Variants in PHF21B observed in about 807,000 individuals in gnomAD.
PHF21B encodes PHD finger protein 21B.
In PHF21B, 22 loss-of-function variants were observed where a neutral mutation model predicts 62.2. The ratio of observed to expected loss-of-function variants is 0.35; its 90% CI spans 0.25 to 0.51. The LOEUF is 0.51. Among genes scored for constraint, PHF21B ranks in the 20% least tolerant of loss-of-function variants. The pLI, the probability that PHF21B is intolerant of heterozygous loss-of-function variation, is 0.97. For missense variants in PHF21B, 701 were observed against 707.9 expected (o/e 0.99, Z 0.11); for synonymous variants, 341 against 314.7 (o/e 1.08, Z -0.88).
intron 5 of PHF21B, among the ~76,000 whole-genome samples, chr22:44,909,871 C>T (rs1479080582): frequency 6.6e-6 from 1 of 152,264 alleles, no homozygotes; most frequent in Non-Finnish European, 1.5e-5. Flanking sequence ...GGAAACAGCT[C>T]TCTCCCTTTG....
At chr22:44,931,535 T>C (rs1176777232) in intron 2 of PHF21B, among the ~76,000 whole-genome samples, 1 of 151,470 alleles carries the variant, frequency 6.6e-6, no homozygotes, top group African/African-American at 2.4e-5. Context: ...CCCTCGGCGT[T>C]GCAGAGCAGT....
chr22:44,982,569 T>A (rs186250750), intron 2 of PHF21B, among the ~76,000 whole-genome samples: 143 of 152,294 alleles, frequency 9.4e-4, no homozygotes, highest in Non-Finnish European at 1.7e-3. Context: ...AACTCCCCCA[T>A]GGGCTCACAT....
chr22:44,885,571 G>T, intron 11 of PHF21B, 42 bp from the exon 12 acceptor site: 1 of 1,534,402 alleles, frequency 6.5e-7, no homozygotes. Flanking sequence ...GGGCAGGTAA[G>T]GAGCGGCTGG....
chr22:44,999,723 G>A (rs2147525152), intron 2 of PHF21B, among the ~76,000 whole-genome samples: 1 of 152,194 alleles, frequency 6.6e-6, no homozygotes, highest in Admixed American at 6.5e-5. Flanking sequence ...AGGTCACGAA[G>A]CTGGGCACCC....
chr22:44,981,075 T>A (rs887992177), intron 2 of PHF21B, among the ~76,000 whole-genome samples: 4 of 152,136 alleles, frequency 2.6e-5, no homozygotes, highest in Admixed American at 2.6e-4. Flanking sequence ...AGACTTAGGG[T>A]AGGGCGTGGG....
In PHF21B at chr22:45,006,746, C is replaced by G. The variant is rs772410519; in HGVS notation, c.120+1799G>C. 2.6e-5 allele frequency among the ~76,000 whole-genome samples: 4 copies of G among 152,168 alleles called. No individual in the cohort carries two copies. The East Asian group carries it at 7.7e-4, about 29-fold the overall frequency. On this transcript the variant is annotated intron_variant, in intron 2 of 12. Transcript: ENST00000313237. The stretch of plus-strand genomic sequence containing the variant: ...TATTGGATTTTTTCTTCTTCTCTCT[C>G]TCTTTTAAATCTTCTAGGAGCGTAC...
At chr22:44,949,970 C>T (rs2072161062) in intron 2 of PHF21B, among the ~76,000 whole-genome samples, 2 of 152,106 alleles carry the variant, frequency 1.3e-5, no homozygotes, top group Admixed American at 6.5e-5. Context: ...TTTGGCTGGC[C>T]GGCATTTCTC....
At chr22:44,891,742 G>A (rs1390319948) in intron 7 of PHF21B, among the ~76,000 whole-genome samples, 2 of 152,232 alleles carry the variant, frequency 1.3e-5, no homozygotes, top group African/African-American at 2.4e-5. Context: ...GGAAAAATGG[G>A]TGTTATAGAC....
At chr22:45,000,845 C>A (rs2073204376) in intron 2 of PHF21B, 1 of 152,162 alleles carries the variant, frequency 6.6e-6, no homozygotes, top group Admixed American at 6.5e-5. Flanking sequence ...TTCAAGTCAA[C>A]CCTCATCTCT....
At chr22:44,925,464 G>A (rs188229567) in intron 2 of PHF21B, among the ~76,000 whole-genome samples, 10 of 152,246 alleles carry the variant, frequency 6.6e-5, no homozygotes, top group Non-Finnish European at 4.4e-5. Flanking sequence ...CCTCCTCTTT[G>A]CCACCTGTCC....
intron 2 of PHF21B, among the ~76,000 whole-genome samples, chr22:44,941,068 C>T (rs554240206): frequency 4.6e-5 from 7 of 152,328 alleles, no homozygotes; most frequent in Admixed American, 2.0e-4. Context: ...CACCCCGCAG[C>T]GCCATGCAGT....
intron 2 of PHF21B, among the ~76,000 whole-genome samples, chr22:44,972,556 C>T (rs1373143235): frequency 3.3e-5 from 5 of 152,250 alleles, no homozygotes; most frequent in Admixed American, 1.3e-4. Context: ...ACCAGGAAGC[C>T]GGTGCTGGCT....
At chr22:44,892,870 T>C (rs1407712565) in intron 7 of PHF21B, among the ~76,000 whole-genome samples, 1 of 152,194 alleles carries the variant, frequency 6.6e-6, no homozygotes, top group Non-Finnish European at 1.5e-5. Context: ...GAGAGGCCCT[T>C]GTGCTCCCCT....
intron 11 of PHF21B, 34 bp from the exon 12 acceptor site, chr22:44,885,563 G>A (rs750077982): frequency 1.9e-6 from 3 of 1,552,518 alleles, no homozygotes; most frequent in Non-Finnish European, 2.6e-6. Flanking sequence ...CTGGAGAGGG[G>A]CAGGTAAGGA....
chr22:44,918,171 G>A (rs543417396), intron 3 of PHF21B, among the ~76,000 whole-genome samples: 3 of 152,346 alleles, frequency 2.0e-5, no homozygotes, highest in East Asian at 1.9e-4. Context: ...GTTACCCGTT[G>A]GAAAACTGCT....
rs781262597 is a variant in PHF21B, at chr22:44,946,627, GTGGATGGA to G, written c.121-26145_121-26138del. On this transcript the variant is annotated intron_variant, in intron 2 of 12. Transcript: ENST00000313237. ...GGACAGTGGTTGTATGGATGGATGG[GTGGATGGA>G]TGGATGGGTGGATGGACGGTGCGTG... is the stretch of plus-strand genomic sequence containing the variant. Among the ~76,000 whole-genome samples, 180 of 151,902 alleles carry G rather than the reference GTGGATGGA, an allele frequency of 1.2e-3. 1 individual carries two copies. The highest frequency in any genetic ancestry group is 7.3e-3 in the South Asian group (35 of 4,810).
At chr22:44,923,809 G>A (rs142560816) in intron 2 of PHF21B, among the ~76,000 whole-genome samples, 59 of 152,032 alleles carry the variant, frequency 3.9e-4, no homozygotes, top group Middle Eastern at 3.4e-3. Flanking sequence ...CTTGAGGCCA[G>A]GAGTTCAAAA....
chr22:45,004,559 CAAT>C (rs1022704810), intron 2 of PHF21B, among the ~76,000 whole-genome samples: 2 of 152,172 alleles, frequency 1.3e-5, no homozygotes, highest in African/African-American at 4.8e-5. Flanking sequence ...ACTGTTTCAA[CAAT>C]GAGAACTGGC....
At chr22:44,945,781 C>T (rs1390361118) in intron 2 of PHF21B, among the ~76,000 whole-genome samples, 3 of 151,568 alleles carry the variant, frequency 2.0e-5, no homozygotes, top group African/African-American at 4.9e-5. Context: ...TGGGTAAGCA[C>T]GAGGGGTCAG....
Sources: gnomAD v4.1 joint callset for allele counts (sites outside exome capture counted in the v4.1 genomes callset) on GRCh38, gnomAD v4.1.1 for gene constraint, MANE v1.5 for transcripts, NCBI Gene and HGNC (gene_info 2026-07-23, HGNC 2026-07-21) for gene names.